The following GRID1 variants were observed in gnomAD, a reference collection of about 807,000 sequenced individuals.
The protein encoded by GRID1 is glutamate receptor ionotropic, delta-1.
A neutral mutation model predicts 98.0 loss-of-function variants in GRID1; 28 were observed. The observed-to-expected ratio is 0.29, with a 90% CI of 0.21 to 0.39. The LOEUF (loss-of-function observed/expected upper bound fraction) is 0.39. Among genes scored for constraint, GRID1 ranks in the 10% least tolerant of loss-of-function variants. GRID1 has a pLI of 1.00. For synonymous variants in GRID1, 553 were observed against 538.5 expected, an observed-to-expected ratio of 1.03 and a Z score of -0.37; for missense variants, 1,111 against 1,340.5, an observed-to-expected ratio of 0.83 and a Z score of 2.67.
intron 5 of GRID1, among the ~76,000 whole-genome samples, chr10:85,890,650 C>G (rs1841186569): frequency 1.3e-5 from 2 of 152,128 alleles, no homozygotes; most frequent in South Asian, 2.1e-4. Flanking sequence ...CCAGAACCAG[C>G]TCTTCCACGG....
chr10:85,626,937 G>A (rs569149849), intron 13 of GRID1, among the ~76,000 whole-genome samples: 8 of 152,168 alleles, frequency 5.3e-5, no homozygotes, highest in Middle Eastern at 3.2e-3. Flanking sequence ...GATTCTACCC[G>A]TGGGATTTAT....
intron 4 of GRID1, among the ~76,000 whole-genome samples, chr10:85,937,154 G>GC (rs1841937624): frequency 6.6e-6 from 1 of 152,154 alleles, no homozygotes; most frequent in Admixed American, 6.5e-5. Flanking sequence ...CAGTGTCCAG[G>GC]CCTCATCCCA....
intron 12 of GRID1, among the ~76,000 whole-genome samples, chr10:85,720,380 AAAG>A (rs1048480317): frequency 2.2e-4 from 34 of 152,122 alleles, no homozygotes; most frequent in African/African-American, 7.7e-4. Flanking sequence ...TAATGCTAAC[AAAG>A]AAGATTAAAA....
chr10:85,865,187 A>G (rs1448268508), intron 6 of GRID1, among the ~76,000 whole-genome samples: 2 of 152,066 alleles, frequency 1.3e-5, no homozygotes, highest in Non-Finnish European at 2.9e-5. Context: ...CACACAAATA[A>G]GACAGTGCTT....
At chr10:85,738,651 GTAC>G (rs1257669065) in intron 8 of GRID1, among the ~76,000 whole-genome samples, 1 of 152,154 alleles carries the variant, frequency 6.6e-6, no homozygotes, top group Non-Finnish European at 1.5e-5. Flanking sequence ...ACACAACAGA[GTAC>G]TACTCAGCAA....
intron 4 of GRID1, among the ~76,000 whole-genome samples, chr10:86,038,821 G>A (rs948136944): frequency 6.6e-6 from 1 of 152,174 alleles, no homozygotes; most frequent in Non-Finnish European, 1.5e-5. Flanking sequence ...TGCAGAAGAT[G>A]GTCTTATTTC....
chr10:85,696,313 T>A (rs1841393140), intron 12 of GRID1, among the ~76,000 whole-genome samples: 1 of 151,276 alleles, frequency 6.6e-6, no homozygotes, highest in East Asian at 1.9e-4. Flanking sequence ...TTAAAAAAAA[T>A]AGAGAAAGGT....
chr10:85,633,363 C>A (rs1842996458), intron 13 of GRID1, among the ~76,000 whole-genome samples: 1 of 152,234 alleles, frequency 6.6e-6, no homozygotes, highest in South Asian at 2.1e-4. Flanking sequence ...AAATCCAGTT[C>A]TTTCAGACCC....
intron 2 of GRID1, among the ~76,000 whole-genome samples, chr10:86,284,564 C>T (rs1457512679): frequency 6.6e-6 from 1 of 152,250 alleles, no homozygotes; most frequent in Non-Finnish European, 1.5e-5. Flanking sequence ...AGCTCTTCTG[C>T]CAGCTCCCAG....
chr10:85,929,328 C>T (rs1350061679), intron 4 of GRID1, among the ~76,000 whole-genome samples: 1 of 152,124 alleles, frequency 6.6e-6, no homozygotes, highest in Non-Finnish European at 1.5e-5. Context: ...GTGTTGGGGT[C>T]CACCGAAGGT....
chr10:85,941,195 A>G (rs535719999), intron 4 of GRID1, among the ~76,000 whole-genome samples: 1 of 152,276 alleles, frequency 6.6e-6, no homozygotes, highest in African/African-American at 2.4e-5. Flanking sequence ...TGGGTAAGTT[A>G]TTTAACCTTT....
intron 12 of GRID1, among the ~76,000 whole-genome samples, chr10:85,658,288 T>C (rs1196247783): frequency 6.6e-6 from 1 of 152,184 alleles, no homozygotes; most frequent in African/African-American, 2.4e-5. Flanking sequence ...CAGCAGTCAC[T>C]TGATATACCA....
At chr10:85,661,598 G>A (rs1181059990) in intron 12 of GRID1, among the ~76,000 whole-genome samples, 1 of 152,138 alleles carries the variant, frequency 6.6e-6, no homozygotes, top group African/African-American at 2.4e-5. Flanking sequence ...CTCAGAAGCA[G>A]GGACCCAGGG....
At chr10:86,160,768 G>A (rs375652496) in intron 3 of GRID1, among the ~76,000 whole-genome samples, 1 of 152,256 alleles carries the variant, frequency 6.6e-6, no homozygotes, top group East Asian at 1.9e-4. Flanking sequence ...TTACAGATCA[G>A]TAGCCTAAGG....
At chr10:86,073,396 G>T (rs1843832175) in intron 4 of GRID1, among the ~76,000 whole-genome samples, 1 of 152,224 alleles carries the variant, frequency 6.6e-6, no homozygotes, top group Non-Finnish European at 1.5e-5. Flanking sequence ...TGTGTGCTGG[G>T]AGAGTAGCCA....
chr10:86,183,811 A>T (rs145037304), intron 3 of GRID1, among the ~76,000 whole-genome samples: 1 of 152,370 alleles, frequency 6.6e-6, no homozygotes, highest in Non-Finnish European at 1.5e-5. Flanking sequence ...CTGATATGAT[A>T]GGTGTATGTT....
At chr10:85,849,417 C>T (rs1315518296) in intron 8 of GRID1, among the ~76,000 whole-genome samples, 2 of 152,158 alleles carry the variant, frequency 1.3e-5, no homozygotes, top group East Asian at 3.9e-4. Context: ...TTAGAAGAAG[C>T]GTCTTAAACT....
At chr10:85,912,379 G>A (rs1047028734) in intron 5 of GRID1, among the ~76,000 whole-genome samples, 1 of 152,212 alleles carries the variant, frequency 6.6e-6, no homozygotes, top group Non-Finnish European at 1.5e-5. Flanking sequence ...CACTCACAAA[G>A]CTTCCTCTGC....
chr10:86,299,905 C>G (rs1171031968), intron 2 of GRID1, among the ~76,000 whole-genome samples: 1 of 152,182 alleles, frequency 6.6e-6, no homozygotes, highest in Non-Finnish European at 1.5e-5. Context: ...TTTCCAATCC[C>G]CTGCCTGGAC....
Sources: allele counts gnomAD v4.1 joint callset (sites outside exome capture counted in the v4.1 genomes callset), GRCh38; gene constraint gnomAD v4.1.1; transcripts MANE v1.5; gene names NCBI Gene and HGNC (gene_info 2026-07-23, HGNC 2026-07-21).